Variants in FBXL2 observed in about 807,000 individuals in gnomAD.
The protein encoded by FBXL2 is F-box/LRR-repeat protein 2.
A neutral mutation model predicts 69.2 loss-of-function variants in FBXL2; 38 were observed. That is an observed-to-expected ratio of 0.55 (90% CI 0.42 to 0.72). FBXL2 has a LOEUF of 0.72. FBXL2 is among the 30% of genes least tolerant of loss of function. The pLI is 0.00. For missense variants in FBXL2, 354 were observed against 520.3 expected (o/e 0.68, Z 3.11); for synonymous variants, 192 against 201.3 (o/e 0.95, Z 0.39).
At chr3:33,304,029 T>A (rs1003673647) in intron 2 of FBXL2, among the ~76,000 whole-genome samples, 5 of 151,740 alleles carry the variant, frequency 3.3e-5, no homozygotes, top group Admixed American at 1.3e-4. Context: ...TGGAAAAAAT[T>A]TTTTAAATGC....
At position 33,342,885 on chromosome 3, in the gene FBXL2, G is replaced by A. The variant is rs371537496; in HGVS notation, c.66-16082G>A. Among the ~76,000 whole-genome samples, 67 of 134,500 alleles carry A rather than the reference G, an allele frequency of 5.0e-4. 1 individual carries two copies. The highest frequency in any genetic ancestry group is 1.8e-3 in the African/African-American group (63 of 35,188). The allele number at this position is 134,500 out of a possible 152,430, so 88.2% of individuals were successfully genotyped here. On this transcript the variant is annotated intron_variant, in intron 2 of 14. Transcript: ENST00000484457. ...TGGGACTACAGGCGCCCGCCACCAC[G>A]CCCAGCTGTTTTTTTTTTTTTTTTT...
chr3:33,402,729 A>G (rs1001020363), intron 12 of FBXL2: 2 of 1,134,284 alleles, frequency 1.8e-6, no homozygotes, highest in South Asian at 1.7e-5. Context: ...GCTGCTGTAC[A>G]TGGAGAGATG....
At chr3:33,350,581 C>T (rs552106980) in intron 2 of FBXL2, among the ~76,000 whole-genome samples, 66 of 152,072 alleles carry the variant, frequency 4.3e-4, no homozygotes, top group African/African-American at 1.5e-3. Context: ...TACAGGCCTG[C>T]GCCACCATGC....
In FBXL2 at chr3:33,279,747, A is replaced by T. The variant is rs557900587; in HGVS notation, c.3+2232A>T. Reference sequence around the variant, plus strand: ...TAATGACAACTAATATTTATTGTGTACATATGTACATAGTTATTACTATAG... The same window carrying T: ...TAATGACAACTAATATTTATTGTGTTCATATGTACATAGTTATTACTATAG... On this transcript the variant is annotated intron_variant, in intron 1 of 14. Coordinates refer to ENST00000484457, the MANE Select transcript of FBXL2 (RefSeq NM_012157.5). Among the ~76,000 whole-genome samples, 5 of 152,338 alleles carry T rather than the reference A, an allele frequency of 3.3e-5. No individual in the cohort carries two copies. In the South Asian group the frequency reaches 8.3e-4, roughly 25 times the overall value.
chr3:33,352,066 A>AT (rs2040864485), intron 2 of FBXL2, among the ~76,000 whole-genome samples: 1 of 152,166 alleles, frequency 6.6e-6, no homozygotes, highest in Non-Finnish European at 1.5e-5. Flanking sequence ...TATTGGACTA[A>AT]TTTTAAGACT....
At chr3:33,314,885 T>A (rs1306636957) in intron 2 of FBXL2, among the ~76,000 whole-genome samples, 2 of 152,206 alleles carry the variant, frequency 1.3e-5, no homozygotes, top group Non-Finnish European at 2.9e-5. Flanking sequence ...CATACTCAAT[T>A]CATTAATTTT....
At chr3:33,295,315 G>A (rs1424649395) in intron 1 of FBXL2, among the ~76,000 whole-genome samples, 1 of 152,048 alleles carries the variant, frequency 6.6e-6, no homozygotes, top group Non-Finnish European at 1.5e-5. Flanking sequence ...TGCCTTTTCT[G>A]GACATTTAAT....
intron 2 of FBXL2, among the ~76,000 whole-genome samples, chr3:33,328,614 A>C (rs1040899620): frequency 6.6e-6 from 1 of 152,218 alleles, no homozygotes; most frequent in Non-Finnish European, 1.5e-5. Flanking sequence ...AGTTTCTTCA[A>C]TAAATGGTGC....
At chr3:33,384,889 A>G (rs1410982820) in intron 14 of FBXL2, among the ~76,000 whole-genome samples, 1 of 151,960 alleles carries the variant, frequency 6.6e-6, no homozygotes, top group Non-Finnish European at 1.5e-5. Context: ...TATAAAAATT[A>G]GCTGGCTGCG....
chr3:33,414,523 G>A, the FBXL2 span, among the ~76,000 whole-genome samples: 7 of 152,110 alleles, frequency 4.6e-5, no homozygotes, highest in Non-Finnish European at 8.8e-5. Context: ...AAGCACCTTC[G>A]CAAACCTATC....
At chr3:33,382,517 T>C (rs1032975502) in intron 13 of FBXL2, 8 of 152,264 alleles carry the variant, frequency 5.3e-5, no homozygotes, top group African/African-American at 1.9e-4. Context: ...CTTATCCATA[T>C]TGTTACATGT....
intron 12 of FBXL2, chr3:33,400,143 A>G (rs2044166662): frequency 1.6e-6 from 2 of 1,281,988 alleles, no homozygotes; most frequent in East Asian, 5.6e-5. Context: ...CACAGAAACA[A>G]AAACAAAACA....
intron 2 of FBXL2, among the ~76,000 whole-genome samples, chr3:33,319,324 C>T (rs1259197087): frequency 6.6e-6 from 1 of 151,570 alleles, no homozygotes; most frequent in Non-Finnish European, 1.5e-5. Flanking sequence ...ATTATTGGAA[C>T]CATTTGAATG....
At chr3:33,321,632 A>G (rs1326669668) in intron 2 of FBXL2, among the ~76,000 whole-genome samples, 2 of 152,166 alleles carry the variant, frequency 1.3e-5, no homozygotes, top group Admixed American at 6.5e-5. Flanking sequence ...TTGTTAGGCA[A>G]TTTTGTCATT....
At chr3:33,394,457 T>G (rs1166765546) in intron 12 of FBXL2, among the ~76,000 whole-genome samples, 1 of 152,138 alleles carries the variant, frequency 6.6e-6, no homozygotes, top group Non-Finnish European at 1.5e-5. Flanking sequence ...AAAGATACTA[T>G]ATGAAAAGCT....
chr3:33,342,893 GTTTTT>G (rs60623868), intron 2 of FBXL2, among the ~76,000 whole-genome samples: 1 of 99,306 alleles, frequency 1.0e-5, no homozygotes, highest in African/African-American at 3.9e-5. Context: ...ACGCCCAGCT[GTTTTT>G]TTTTTTTTTT....
the FBXL2 span, among the ~76,000 whole-genome samples, chr3:33,415,064 A>G: frequency 6.6e-6 from 1 of 152,234 alleles, no homozygotes; most frequent in Non-Finnish European, 1.5e-5. Flanking sequence ...AAGTAAATAC[A>G]AGGAAGTTGA....
intron 2 of FBXL2, among the ~76,000 whole-genome samples, chr3:33,332,740 T>C (rs72863725): frequency 0.026 from 3,979 of 152,312 alleles, 80 homozygotes; most frequent in Admixed American, 0.059. Context: ...AGCATGTTAC[T>C]GTACTGAATA....
intron 5 of FBXL2, chr3:33,372,726 C>A: frequency 2.9e-6 from 1 of 342,472 alleles, no homozygotes; most frequent in African/African-American, 2.1e-5. Flanking sequence ...CCCCTTGGTT[C>A]AAATTGATTT....
Sources: gnomAD v4.1 joint callset for allele counts (sites outside exome capture counted in the v4.1 genomes callset) on GRCh38, gnomAD v4.1.1 for gene constraint, MANE v1.5 for transcripts, NCBI Gene and HGNC (gene_info 2026-07-23, HGNC 2026-07-21) for gene names.